Variants in STAC observed in about 807,000 individuals in gnomAD.
STAC encodes SH3 and cysteine rich domain, also known as SH3 and cysteine-rich domain-containing protein.
In STAC, 43 loss-of-function variants were observed where a neutral mutation model predicts 48.8. That is an observed-to-expected ratio of 0.88 (90% CI 0.69 to 1.14). The LOEUF (loss-of-function observed/expected upper bound fraction) is 1.14, where lower values mean the gene tolerates loss of function less well. Ranked by LOEUF, STAC falls within the 50% of genes most tolerant of loss-of-function variation. The probability of loss-of-function intolerance (pLI) is 0.00; values close to 1 mark genes in which losing one functional copy is unlikely to be tolerated. For missense variants in STAC, 497 were observed against 504.0 expected (o/e 0.99, Z 0.13); for synonymous variants, 193 against 179.5 (o/e 1.07, Z -0.60).
chr3:36,517,858 C>T (rs1238933690), intron 8 of STAC, among the ~76,000 whole-genome samples: 1 of 151,964 alleles, frequency 6.6e-6, no homozygotes, highest in Non-Finnish European at 1.5e-5. Flanking sequence ...CACACACTCA[C>T]AGTCACACAC....
intron 1 of STAC, among the ~76,000 whole-genome samples, chr3:36,412,987 G>T (rs959668562): frequency 6.6e-6 from 1 of 152,164 alleles, no homozygotes; most frequent in African/African-American, 2.4e-5. Context: ...GAGCAGTTTT[G>T]AGTGAGTTTC....
At chr3:36,407,848 C>T (rs778407795) in intron 1 of STAC, among the ~76,000 whole-genome samples, 51 of 152,220 alleles carry the variant, frequency 3.4e-4, no homozygotes, top group African/African-American at 1.2e-3. Flanking sequence ...GCTGGATTCT[C>T]CCTTAGTATC....
Position 36,486,208 on chromosome 3 carries a change from G to A in STAC, c.646G>A (p.Gly216Ser), listed in dbSNP as rs1697808663. Residue 216 changes from glycine (G) to serine (S), a missense_variant, in exon 5 of 11, where the codon GGC becomes AGC. By Grantham distance (56) the Gly-to-Ser change is moderately conservative (BLOSUM62 0). Coordinates refer to ENST00000273183, the MANE Select transcript of STAC (RefSeq NM_003149.3). ...GTSLAQRTKKGSSGSGSDSPH... is the reference protein window; with the variant it reads ...GTSLAQRTKKSSSGSGSDSPH... ...CTCCCTGGCCCAGAGGACAAAGAAG[G>A]GCAGCTCCGGCAGTGGCTCTGACTC... is the stretch of plus-strand genomic sequence containing the variant. The A allele has an allele frequency of 1.2e-6, 2 of 1,613,836 alleles. No individual in the cohort carries two copies. The highest frequency in any genetic ancestry group is 2.2e-5 in the East Asian group (1 of 44,882).
chr3:36,526,306 A>G (rs1416654559), intron 8 of STAC, among the ~76,000 whole-genome samples: 9 of 152,090 alleles, frequency 5.9e-5, no homozygotes, highest in African/African-American at 2.2e-4. Context: ...CTCCCAAAAC[A>G]GAGGTGGATG....
At chr3:36,536,120 C>T (rs1182778623) in intron 10 of STAC, among the ~76,000 whole-genome samples, 1 of 152,036 alleles carries the variant, frequency 6.6e-6, no homozygotes, top group East Asian at 1.9e-4. Flanking sequence ...GGTTGGTAGG[C>T]TATTTGTTAC....
intron 8 of STAC, among the ~76,000 whole-genome samples, chr3:36,507,465 T>C (rs1486907389): frequency 6.6e-6 from 1 of 152,202 alleles, no homozygotes; most frequent in African/African-American, 2.4e-5. Context: ...TCTTTTTCTA[T>C]TGTTTGGAAT....
At chr3:36,380,922 G>T (rs937071041) in intron 1 of STAC, among the ~76,000 whole-genome samples, 168 bp downstream of exon 1, 7 of 108,176 alleles carry the variant, frequency 6.5e-5, no homozygotes, top group Non-Finnish European at 1.4e-4. Flanking sequence ...CACGATGCTG[G>T]ACCACGTCCC....
intron 2 of STAC, among the ~76,000 whole-genome samples, chr3:36,462,166 G>A (rs1011956883): frequency 1.6e-4 from 25 of 152,234 alleles, no homozygotes; most frequent in African/African-American, 5.8e-4. Flanking sequence ...AATAGGAGAT[G>A]GGGATGCTTC....
intron 8 of STAC, among the ~76,000 whole-genome samples, chr3:36,527,666 C>A (rs991608126): frequency 4.6e-5 from 7 of 152,118 alleles, no homozygotes; most frequent in African/African-American, 1.7e-4. Context: ...GAGAGAACAT[C>A]ATAGATGGGA....
intron 1 of STAC, among the ~76,000 whole-genome samples, chr3:36,408,135 C>T (rs1055720757): frequency 3.3e-5 from 5 of 152,194 alleles, no homozygotes; most frequent in Non-Finnish European, 7.4e-5. Context: ...CTCTTGTATA[C>T]AATAACAACG....
rs926737715 is a variant in STAC, at chr3:36,531,993, T to G, written c.1110+3008T>G. Among the ~76,000 whole-genome samples the G allele has an allele frequency of 2.0e-5, 3 of 152,226 alleles. No homozygotes were observed. In the South Asian group the frequency reaches 6.2e-4, roughly 31 times the overall value. ...ATTTTACAAAAATAAAATTTAAAAG[T>G]AGCACAATTTAAAATATTCAATTTT... is the stretch of plus-strand genomic sequence containing the variant. On this transcript the variant is annotated intron_variant, in intron 10 of 10. Transcript: ENST00000273183.
chr3:36,513,754 T>C (rs1559520761), intron 8 of STAC, among the ~76,000 whole-genome samples: 2 of 152,072 alleles, frequency 1.3e-5, no homozygotes, highest in African/African-American at 2.4e-5. Context: ...TGGTACATAG[T>C]AGGACCTTAA....
At chr3:36,500,021 T>C (rs546217384) in intron 6 of STAC, among the ~76,000 whole-genome samples, 1 of 152,158 alleles carries the variant, frequency 6.6e-6, no homozygotes, top group South Asian at 2.1e-4. Flanking sequence ...GCCTGAAAAA[T>C]GATAGAAACT....
At chr3:36,485,159 G>C (rs1057408830) in intron 4 of STAC, 101 bp downstream of exon 4, 1 of 954,110 alleles carries the variant, frequency 1.0e-6, no homozygotes, top group Non-Finnish European at 1.5e-6. Flanking sequence ...GGGTATCTCT[G>C]TGTGTTTGTT....
intron 2 of STAC, among the ~76,000 whole-genome samples, chr3:36,463,007 A>G (rs534758541): frequency 2.2e-4 from 34 of 151,852 alleles, no homozygotes; most frequent in East Asian, 2.1e-3. Context: ...CATTCCTGGG[A>G]AAAAAAACCT....
At chr3:36,457,442 T>C (rs773611567) in intron 2 of STAC, among the ~76,000 whole-genome samples, 1 of 152,246 alleles carries the variant, frequency 6.6e-6, no homozygotes, top group Non-Finnish European at 1.5e-5. Context: ...TTATTAAAGC[T>C]ATCTTTATGT....
chr3:36,493,065 C>G (rs1362658260), intron 5 of STAC, 86 bp from the exon 6 acceptor site: 3 of 1,318,362 alleles, frequency 2.3e-6, no homozygotes, highest in Non-Finnish European at 3.2e-6. Context: ...GCAAATTCTA[C>G]CTAAGCTCTC....
intron 8 of STAC, among the ~76,000 whole-genome samples, chr3:36,509,011 T>C (rs1419038180): frequency 6.6e-6 from 1 of 152,196 alleles, no homozygotes; most frequent in East Asian, 1.9e-4. Flanking sequence ...CTTCATGGTG[T>C]CAATGGTCTT....
chr3:36,453,626 A>AGGAGGCTAGGGGATT (rs1553636173), intron 2 of STAC, among the ~76,000 whole-genome samples: 7 of 99,340 alleles, frequency 7.0e-5, no homozygotes, highest in Admixed American at 1.1e-4. Flanking sequence ...CTCCCTGACG[A>AGGAGGCTAGGGGATT]GCGCCGCCCC....
Sources: gnomAD v4.1 joint callset for allele counts (sites outside exome capture counted in the v4.1 genomes callset) on GRCh38, gnomAD v4.1.1 for gene constraint, MANE v1.5 for transcripts, NCBI Gene and HGNC (gene_info 2026-07-23, HGNC 2026-07-21) for gene names.